Variants in EYA2 observed in about 807,000 individuals in gnomAD.
EYA2 encodes the protein protein phosphatase EYA2.
Under a neutral mutation model 69.2 loss-of-function variants are expected in EYA2, and 31 were observed. The ratio of observed to expected loss-of-function variants is 0.45; its 90% CI spans 0.34 to 0.60. The LOEUF is 0.60. Ranked by LOEUF, EYA2 falls within the 20% of genes least tolerant of loss-of-function variation. EYA2 has a pLI of 0.02. For synonymous variants in EYA2, 257 were observed against 279.4 expected (o/e 0.92, Z 0.80); for missense variants, 622 against 701.2 (o/e 0.89, Z 1.28).
intron 9 of EYA2, among the ~76,000 whole-genome samples, chr20:47,121,165 G>A (rs1334266670): frequency 6.6e-6 from 1 of 152,148 alleles, no homozygotes; most frequent in Non-Finnish European, 1.5e-5. Context: ...CACAACCTCA[G>A]CTCACTGCAA....
rs560887903 is a variant in EYA2 at position 46,952,249 on chromosome 20, A to G, written c.-10-37752A>G. Among the ~76,000 whole-genome samples the G allele has an allele frequency of 2.2e-3, 336 of 152,164 alleles. 3 individuals are homozygous for G. The highest frequency in any genetic ancestry group is 7.4e-4 in the Non-Finnish European group (50 of 68,006). On this transcript the variant is annotated intron_variant, in intron 1 of 15. Coordinates refer to ENST00000327619, the MANE Select transcript of EYA2 (RefSeq NM_005244.5). ...CCGTGGGCATGTCTGAAAGGAGAGC[A>G]TGCTTGGTGGGGGATGGGGCTTGAG...
At chr20:47,174,071 T>C (rs1363014393) in intron 12 of EYA2, among the ~76,000 whole-genome samples, 2 of 152,230 alleles carry the variant, frequency 1.3e-5, no homozygotes, top group Non-Finnish European at 2.9e-5. Context: ...GGGGTGGTAC[T>C]GCGCCCTCCT....
chr20:47,187,634 T>G (rs1484027230), intron 15 of EYA2, among the ~76,000 whole-genome samples: 1 of 152,136 alleles, frequency 6.6e-6, no homozygotes, highest in Non-Finnish European at 1.5e-5. Context: ...ATTCCCGGCC[T>G]CAAGCAATCC....
intron 9 of EYA2, among the ~76,000 whole-genome samples, chr20:47,132,789 A>G (rs566048259): frequency 3.3e-5 from 5 of 152,122 alleles, no homozygotes; most frequent in Non-Finnish European, 7.4e-5. Context: ...GGGAGAGGTT[A>G]CTCTTTTCAG....
Position 47,123,734 on chromosome 20 carries a change from T to C in EYA2, c.889-19325T>C, listed in dbSNP as rs543298878. Among the ~76,000 whole-genome samples the C allele has an allele frequency of 1.5e-4, 23 of 152,306 alleles. No individual in the cohort carries two copies. The South Asian group carries it at 4.6e-3, about 30-fold the overall frequency. ...GGCTGGGTACGGTGGCTCACGCCTG[T>C]AATCCCAGCACTTTGGGAGGCCGAG... is the stretch of plus-strand genomic sequence containing the variant. On this transcript the variant is annotated intron_variant, in intron 9 of 15. Transcript: ENST00000327619.
chr20:47,177,558 A>G (rs905522902), intron 12 of EYA2, among the ~76,000 whole-genome samples: 1 of 152,256 alleles, frequency 6.6e-6, no homozygotes, highest in African/African-American at 2.4e-5. Context: ...AGAGTTTGAC[A>G]CTTTTCAGAA....
chr20:46,944,101 C>T (rs1029977414), intron 1 of EYA2, among the ~76,000 whole-genome samples: 17 of 152,252 alleles, frequency 1.1e-4, no homozygotes, highest in Admixed American at 9.2e-4. Flanking sequence ...CTGCTCTGCT[C>T]CCCCTGGATG....
intron 1 of EYA2, among the ~76,000 whole-genome samples, chr20:46,945,786 T>G (rs2146267924): frequency 6.6e-6 from 1 of 152,340 alleles, no homozygotes; most frequent in East Asian, 1.9e-4. Flanking sequence ...GCTCTTGATA[T>G]GATGATTTTG....
At chr20:47,120,055 A>C (rs900746055) in intron 9 of EYA2, among the ~76,000 whole-genome samples, 3 of 152,202 alleles carry the variant, frequency 2.0e-5, no homozygotes, top group Admixed American at 6.5e-5. Context: ...AAAAGTACAA[A>C]AATTAGCCGG....
At chr20:47,075,366 T>C (rs2031477572) in intron 7 of EYA2, among the ~76,000 whole-genome samples, 1 of 152,046 alleles carries the variant, frequency 6.6e-6, no homozygotes, top group Non-Finnish European at 1.5e-5. Flanking sequence ...CAAAAACAGG[T>C]TTATATTATC....
At chr20:47,072,358 C>A (rs940562931) in intron 6 of EYA2, 106 bp downstream of exon 6, 9 of 1,113,460 alleles carry the variant, frequency 8.1e-6, no homozygotes, top group Non-Finnish European at 1.2e-5. Context: ...CCATTGGGAA[C>A]CTGCCTCTTA....
At chr20:47,125,476 A>G (rs1568793820) in intron 9 of EYA2, among the ~76,000 whole-genome samples, 1 of 151,978 alleles carries the variant, frequency 6.6e-6, no homozygotes, top group East Asian at 1.9e-4. Context: ...GAATCAACTT[A>G]TTTTTTCTTT....
intron 5 of EYA2, among the ~76,000 whole-genome samples, chr20:47,051,219 T>TA (rs1287663220): frequency 1.3e-5 from 2 of 152,250 alleles, no homozygotes; most frequent in Non-Finnish European, 2.9e-5. Context: ...GCCATTGCAG[T>TA]GTATGCACGG....
At chr20:47,061,532 C>T (rs1183132950) in intron 5 of EYA2, among the ~76,000 whole-genome samples, 1 of 150,434 alleles carries the variant, frequency 6.6e-6, no homozygotes, top group Non-Finnish European at 1.5e-5. Context: ...CCTGTCTCAA[C>T]TGAAAAAAAA....
At chr20:47,169,789 T>C (rs1431636343) in intron 11 of EYA2, among the ~76,000 whole-genome samples, 1 of 152,230 alleles carries the variant, frequency 6.6e-6, no homozygotes, top group African/African-American at 2.4e-5. Context: ...TAACCAATTT[T>C]TTCTCAGTAG....
intron 1 of EYA2, among the ~76,000 whole-genome samples, chr20:46,899,071 G>C (rs1372619850): frequency 6.6e-6 from 1 of 152,158 alleles, no homozygotes; most frequent in Non-Finnish European, 1.5e-5. Flanking sequence ...GCAACCCCTT[G>C]AGTATTATTA....
chr20:46,898,284 G>A (rs926511444), intron 1 of EYA2, among the ~76,000 whole-genome samples: 1 of 112,054 alleles, frequency 8.9e-6, no homozygotes, highest in Non-Finnish European at 2.0e-5. Flanking sequence ...TTTTGTTTTT[G>A]TTTTTTTTAG....
chr20:47,050,108 C>T (rs6122548), intron 5 of EYA2, among the ~76,000 whole-genome samples: 32 of 152,234 alleles, frequency 2.1e-4, no homozygotes, highest in South Asian at 4.1e-4. Context: ...TCATCATGCT[C>T]GAGTGCCTCG....
intron 1 of EYA2, among the ~76,000 whole-genome samples, chr20:46,970,865 A>C (rs1980095579): frequency 2.0e-5 from 3 of 152,194 alleles, no homozygotes; most frequent in Admixed American, 1.3e-4. Flanking sequence ...TTTTCAAAAA[A>C]AGGGTCTTTT....
Sources: allele counts gnomAD v4.1 joint callset (sites outside exome capture counted in the v4.1 genomes callset), GRCh38; gene constraint gnomAD v4.1.1; transcripts MANE v1.5; gene names NCBI Gene and HGNC (gene_info 2026-07-23, HGNC 2026-07-21).